The following SLC44A1 variants were observed in gnomAD, a reference collection of about 807,000 sequenced individuals.
The protein encoded by SLC44A1 is solute carrier family 44 member 1.
Under a neutral mutation model 79.3 loss-of-function variants are expected in SLC44A1, and 26 were observed. That is an observed-to-expected ratio of 0.33 (90% CI 0.24 to 0.46). SLC44A1 has a LOEUF of 0.46. Ranked by LOEUF, SLC44A1 falls within the 20% of genes least tolerant of loss-of-function variation. SLC44A1 has a pLI of 1.00. For missense variants in SLC44A1, 688 were observed against 798.1 expected (o/e 0.86, Z 1.66); for synonymous variants, 263 against 286.2 (o/e 0.92, Z 0.82).
intron 15 of SLC44A1, among the ~76,000 whole-genome samples, chr9:105,433,692 C>A (rs933214614): frequency 1.3e-5 from 2 of 151,888 alleles, no homozygotes; most frequent in African/African-American, 4.8e-5. Context: ...GGCCTTTACC[C>A]ACCAAGCAGG....
rs1370704613 is a variant in SLC44A1, at chr9:105,392,581, C to G, written c.*3525C>G. ...CTGACCCCTTTATTCTGGACCCAAA[C>G]TGCTTTAGAGCAGAGTTAATACCTC... is the stretch of plus-strand genomic sequence containing the variant. On this transcript the variant is annotated 3_prime_UTR_variant, in exon 16 of 16. Coordinates refer to ENST00000374720, the MANE Select transcript of SLC44A1 (RefSeq NM_080546.5). 6.1e-6 allele frequency: 6 copies of G among 985,240 alleles called. No homozygotes were observed. The highest frequency in any genetic ancestry group is 3.5e-5 in the African/African-American group (2 of 57,208). The allele number at this position is 985,240 out of a possible 1,614,324, so 61.0% of individuals were successfully genotyped here.
At chr9:105,317,661 T>C (rs1053584014) in intron 3 of SLC44A1, among the ~76,000 whole-genome samples, 18 of 152,118 alleles carry the variant, frequency 1.2e-4, no homozygotes, top group African/African-American at 3.4e-4. Flanking sequence ...AGTCTACAGG[T>C]TGGAATTCTT....
chr9:105,256,621 G>A (rs1333816114), intron 1 of SLC44A1, among the ~76,000 whole-genome samples: 1 of 149,818 alleles, frequency 6.7e-6, no homozygotes, highest in Non-Finnish European at 1.5e-5. Context: ...GGAGTGCGGT[G>A]GTGAGATCTC....
At chr9:105,252,538 G>A (rs530558272) in intron 1 of SLC44A1, among the ~76,000 whole-genome samples, 13 of 152,254 alleles carry the variant, frequency 8.5e-5, no homozygotes, top group South Asian at 4.1e-4. Context: ...TACATGTCAC[G>A]TATGGAGCAA....
downstream of SLC44A1, among the ~76,000 whole-genome samples, chr9:105,401,212 A>G (rs532261738): frequency 6.6e-6 from 1 of 152,368 alleles, no homozygotes; most frequent in African/African-American, 2.4e-5. Flanking sequence ...TTGTGGGACT[A>G]TGAGTAATTT....
At chr9:105,291,283 G>A (rs991138091) in intron 1 of SLC44A1, among the ~76,000 whole-genome samples, 1 of 152,212 alleles carries the variant, frequency 6.6e-6, no homozygotes, top group Non-Finnish European at 1.5e-5. Flanking sequence ...GATTCTGAGT[G>A]TACAACTATT....
At position 105,390,066 on chromosome 9, in the gene SLC44A1, G is replaced by A. The variant is rs1312959721; in HGVS notation, c.*1010G>A. The stretch of plus-strand genomic sequence containing the variant: ...TATACAATCTGAAAACACACTGGCA[G>A]GTGCTCCTCTCCTTGGCAATTCATT... On this transcript the variant is annotated 3_prime_UTR_variant, in exon 16 of 16. Coordinates refer to ENST00000374720, the MANE Select transcript of SLC44A1 (RefSeq NM_080546.5). The A allele has an allele frequency of 1.0e-5, 13 of 1,277,540 alleles. No homozygotes were observed. The East Asian group carries it at 3.1e-4, about 30-fold the overall frequency. 79.1% of individuals were successfully genotyped at this position (1,277,540 alleles called of 1,614,324 possible).
At chr9:105,435,098 TATC>T (rs1829446866) in intron 15 of SLC44A1, among the ~76,000 whole-genome samples, 1 of 151,480 alleles carries the variant, frequency 6.6e-6, no homozygotes, top group East Asian at 1.9e-4. Context: ...AATGAGCTGT[TATC>T]ATGCAACTGC....
At chr9:105,251,245 G>A (rs1293952758) in intron 1 of SLC44A1, among the ~76,000 whole-genome samples, 1 of 152,114 alleles carries the variant, frequency 6.6e-6, no homozygotes, top group Admixed American at 6.5e-5. Context: ...TTCACCGAAT[G>A]ATACCAATGC....
chr9:105,391,713 A>G lies in SLC44A1; in HGVS notation c.*2657A>G. On this transcript the variant is annotated 3_prime_UTR_variant, in exon 16 of 16. Coordinates refer to ENST00000374720, the MANE Select transcript of SLC44A1 (RefSeq NM_080546.5). Reference sequence around the variant, plus strand: ...TCTTCAGCTAGCTATGGGCTGCCTTATTGCTATTCGCTCACTGCTTCCATC... The same window carrying G: ...TCTTCAGCTAGCTATGGGCTGCCTTGTTGCTATTCGCTCACTGCTTCCATC... 1 of 985,314 alleles carries G rather than the reference A, an allele frequency of 1.0e-6. No individual in the cohort carries two copies. The highest frequency in any genetic ancestry group is 1.2e-6 in the Non-Finnish European group (1 of 829,908). The allele number at this position is 985,314 out of a possible 1,614,324, so 61.0% of individuals were successfully genotyped here. A position where few individuals can be genotyped will look rare whatever the true frequency, so the allele number is the denominator to read the frequency against.
intron 12 of SLC44A1, among the ~76,000 whole-genome samples, chr9:105,372,903 T>G (rs1468179106): frequency 7.4e-6 from 1 of 135,724 alleles, no homozygotes; most frequent in Non-Finnish European, 1.5e-5. Context: ...TGAGCCGAGA[T>G]CCCGCCACTG....
rs1419916882 is a variant in SLC44A1, at chr9:105,394,714, A to G, written c.*5658A>G. ...AGTTGAAGATGATGATAAATTAGCA[A>G]ACTCAAGGGTAGTCCATAGTTGGCA... On this transcript the variant is annotated 3_prime_UTR_variant, in exon 16 of 16. Coordinates refer to ENST00000374720, the MANE Select transcript of SLC44A1 (RefSeq NM_080546.5). The G allele has an allele frequency of 4.1e-6, 4 of 985,320 alleles. No individual in the cohort carries two copies. In the East Asian group the frequency reaches 4.5e-4, roughly 112 times the overall value. 61.0% of individuals were successfully genotyped at this position (985,320 alleles called of 1,614,324 possible). A position where few individuals can be genotyped will look rare whatever the true frequency, so the allele number is the denominator to read the frequency against.
chr9:105,397,385 A>C (rs1345928038), downstream of SLC44A1: 1 of 981,756 alleles, frequency 1.0e-6, no homozygotes, highest in South Asian at 4.7e-5. Flanking sequence ...CCCCATGCCC[A>C]GGGTGGTGAC....
At position 105,268,102 on chromosome 9, in the gene SLC44A1, T is replaced by C. The variant is rs182376706; in HGVS notation, c.36+23198T>C. On this transcript the variant is annotated intron_variant, in intron 1 of 15. Coordinates refer to ENST00000374720, the MANE Select transcript of SLC44A1 (RefSeq NM_080546.5). ...TTTTGTTTTCTGTGTGGTACCTGTG[T>C]GTGGTCCAACTCTTCTGGGTAGAAG... Among the ~76,000 whole-genome samples, 162 of 152,284 alleles carry C rather than the reference T, an allele frequency of 1.1e-3. 1 individual carries two copies. Among genetic ancestry groups the C allele is most frequent in the African/African-American group, 3.8e-3 (158 of 41,560 alleles).
intron 1 of SLC44A1, among the ~76,000 whole-genome samples, chr9:105,285,410 G>C (rs1264592084): frequency 6.6e-6 from 1 of 152,090 alleles, no homozygotes; most frequent in Admixed American, 6.5e-5. Flanking sequence ...GCTATTCTTG[G>C]TTATGACCTA....
intron 15 of SLC44A1, among the ~76,000 whole-genome samples, chr9:105,421,858 A>G (rs1829255484): frequency 6.6e-6 from 1 of 152,192 alleles, no homozygotes; most frequent in Admixed American, 6.5e-5. Flanking sequence ...AAGTGCTGGG[A>G]TTACAGGCGT....
intron 2 of SLC44A1, among the ~76,000 whole-genome samples, chr9:105,300,763 G>A (rs7024012): frequency 0.042 from 6,346 of 150,500 alleles, 451 homozygotes; most frequent in African/African-American, 0.15. Context: ...TTTATGCAGC[G>A]TGTGGAGAAA....
At chr9:105,411,022 A>C (rs1399563790) in intron 15 of SLC44A1, among the ~76,000 whole-genome samples, 3 of 152,238 alleles carry the variant, frequency 2.0e-5, no homozygotes, top group African/African-American at 4.8e-5. Context: ...CATGCTTATC[A>C]GGCACTGGGG....
chr9:105,389,058 C>A lies in SLC44A1; in HGVS notation c.*2C>A, dbSNP rs150494495. 31 of 1,613,114 alleles carry A rather than the reference C, an allele frequency of 1.9e-5. No homozygotes were observed. The Admixed American group carries it at 4.3e-4, about 23-fold the overall frequency. ...GCTTCGGGAGCAAGTTCTGCTTGAACCTAGCCGACGGTTATGGAAACCCAT... is the reference window on the plus strand; with the variant it reads ...GCTTCGGGAGCAAGTTCTGCTTGAAACTAGCCGACGGTTATGGAAACCCAT... On this transcript the variant is annotated 3_prime_UTR_variant, in exon 16 of 16. Coordinates refer to ENST00000374720, the MANE Select transcript of SLC44A1 (RefSeq NM_080546.5).
Sources: gnomAD v4.1 joint callset for allele counts (sites outside exome capture counted in the v4.1 genomes callset) on GRCh38, gnomAD v4.1.1 for gene constraint, MANE v1.5 for transcripts, NCBI Gene and HGNC (gene_info 2026-07-23, HGNC 2026-07-21) for gene names.